The following GREB1L variants were observed in gnomAD, a reference collection of about 807,000 sequenced individuals.
The protein encoded by GREB1L is GREB1 like retinoic acid receptor coactivator.
Under a neutral mutation model 200.8 loss-of-function variants are expected in GREB1L, and 17 were observed. That is an observed-to-expected ratio of 0.08 (90% CI 0.06 to 0.13). The LOEUF is 0.13. Among genes scored for constraint, GREB1L ranks in the 10% least tolerant of loss-of-function variants. The probability of loss-of-function intolerance (pLI) is 1.00; values close to 1 mark genes in which losing one functional copy is unlikely to be tolerated. For missense variants in GREB1L, 1,657 were observed against 2,367.7 expected, an observed-to-expected ratio of 0.70 and a Z score of 6.23; for synonymous variants, 789 against 893.0, an observed-to-expected ratio of 0.88 and a Z score of 2.08.
chr18:21,387,784 A>T (rs1336062421), intron 4 of GREB1L, among the ~76,000 whole-genome samples: 2 of 152,170 alleles, frequency 1.3e-5, no homozygotes, highest in Admixed American at 6.5e-5. Flanking sequence ...ATCACACTGG[A>T]TATTGGGATC....
At chr18:21,518,363 AC>A (rs1392383542) in intron 31 of GREB1L, 129 bp downstream of exon 31, 28 of 845,584 alleles carry the variant, frequency 3.3e-5, no homozygotes, top group Non-Finnish European at 4.4e-5. Flanking sequence ...CTTTGCCAGA[AC>A]TTTTATTAAA....
intron 1 of GREB1L, among the ~76,000 whole-genome samples, chr18:21,261,403 GTCAGCTACCA>G (rs1240861574): frequency 6.6e-6 from 1 of 152,070 alleles, no homozygotes; most frequent in Non-Finnish European, 1.5e-5. Flanking sequence ...TTGGGATTGT[GTCAGCTACCA>G]TGAATGTTCT....
chr18:21,342,689 A>G (rs1241646099), intron 1 of GREB1L, among the ~76,000 whole-genome samples: 1 of 152,138 alleles, frequency 6.6e-6, no homozygotes, highest in Non-Finnish European at 1.5e-5. Flanking sequence ...TGAGATTTAC[A>G]ATGGGACTCA....
At chr18:21,273,622 C>T (rs999966109) in intron 1 of GREB1L, among the ~76,000 whole-genome samples, 15 of 152,082 alleles carry the variant, frequency 9.9e-5, no homozygotes, top group African/African-American at 3.4e-4. Context: ...GTTAGACTAA[C>T]TGGGAGTTCA....
chr18:21,485,584 G>T (rs184311722), intron 17 of GREB1L, 36 bp from the exon 18 acceptor site: 1 of 1,544,088 alleles, frequency 6.5e-7, no homozygotes, highest in Non-Finnish European at 8.8e-7. Flanking sequence ...ACTGTATCCT[G>T]TCCTCATTGG....
intron 7 of GREB1L, chr18:21,434,920 A>G (rs1598832721): frequency 6.6e-6 from 1 of 152,558 alleles, no homozygotes; most frequent in African/African-American, 2.4e-5. Flanking sequence ...ATAGTTGCTA[A>G]TTTAAACAAA....
chr18:21,299,130 TAGCC>T (rs1472297826), intron 1 of GREB1L, among the ~76,000 whole-genome samples: 3 of 151,274 alleles, frequency 2.0e-5, no homozygotes, highest in African/African-American at 7.3e-5. Flanking sequence ...ATACAAAAAT[TAGCC>T]AGGCATGGTG....
chr18:21,420,923 A>T lies in GREB1L; in HGVS notation c.832+16929A>T, dbSNP rs576559851. ...GGTGAATGGATAAATAAATTGATAT[A>T]TCCAAACAGTAATGAATTCTTGATA... is the stretch of plus-strand genomic sequence containing the variant. On this transcript the variant is annotated intron_variant, in intron 7 of 32. Coordinates refer to ENST00000424526, the MANE Select transcript of GREB1L (RefSeq NM_001142966.3). Among the ~76,000 whole-genome samples the T allele has an allele frequency of 2.6e-5, 4 of 152,362 alleles. No individual in the cohort carries two copies. The South Asian group carries it at 8.3e-4, about 32-fold the overall frequency.
chr18:21,431,252 T>C (rs908844433), intron 7 of GREB1L, among the ~76,000 whole-genome samples: 11 of 151,814 alleles, frequency 7.2e-5, no homozygotes, highest in African/African-American at 2.7e-4. Context: ...CCCAAACTCC[T>C]GACCTCAAGT....
chr18:21,244,003 A>T (rs1017515074), intron 1 of GREB1L, among the ~76,000 whole-genome samples: 3 of 152,190 alleles, frequency 2.0e-5, no homozygotes, highest in African/African-American at 7.2e-5. Flanking sequence ...ATTATAGATG[A>T]TGAAAGGGAT....
In GREB1L at chr18:21,495,615, A is replaced by C. The variant is rs1446671768; in HGVS notation, c.3031-55A>C. 18 of 947,198 alleles carry C rather than the reference A, an allele frequency of 1.9e-5. No individual in the cohort carries two copies. In the Admixed American group the frequency reaches 3.4e-4, roughly 18 times the overall value. 58.7% of individuals were successfully genotyped at this position (947,198 alleles called of 1,614,324 possible). On this transcript the variant is annotated intron_variant, in intron 19 of 32. Transcript: ENST00000424526. ...AATCTGGACTCAGAAGCCTGTAAAAAAGGTGGAAACTTAAATGAGAGTTTT... is the reference window on the plus strand; with the variant it reads ...AATCTGGACTCAGAAGCCTGTAAAACAGGTGGAAACTTAAATGAGAGTTTT...
At chr18:21,465,135 C>G (rs2035216512) in intron 15 of GREB1L, among the ~76,000 whole-genome samples, 2 of 152,126 alleles carry the variant, frequency 1.3e-5, no homozygotes, top group East Asian at 3.8e-4. Flanking sequence ...ACTCTCTTAG[C>G]AATTTTCAAG....
At chr18:21,457,659 T>C (rs1318928499) in intron 15 of GREB1L, among the ~76,000 whole-genome samples, 1 of 152,224 alleles carries the variant, frequency 6.6e-6, no homozygotes, top group Non-Finnish European at 1.5e-5. Flanking sequence ...AATGAATGTA[T>C]AGTCACATCA....
At chr18:21,387,808 T>C (rs1295551041) in intron 4 of GREB1L, among the ~76,000 whole-genome samples, 4 of 152,350 alleles carry the variant, frequency 2.6e-5, no homozygotes, top group East Asian at 3.9e-4. Flanking sequence ...TGTCTTGAGA[T>C]AGAATGTTTC....
chr18:21,251,912 T>C (rs2037711431), intron 1 of GREB1L, among the ~76,000 whole-genome samples: 1 of 143,672 alleles, frequency 7.0e-6, no homozygotes, highest in Non-Finnish European at 1.5e-5. Flanking sequence ...GCCAGTGCAC[T>C]CTAGCCTGGG....
intron 7 of GREB1L, among the ~76,000 whole-genome samples, chr18:21,427,426 G>A (rs1351767846): frequency 2.0e-5 from 3 of 151,888 alleles, no homozygotes; most frequent in Non-Finnish European, 4.4e-5. Flanking sequence ...GATCACATGA[G>A]CCCAGGAACT....
Position 21,477,204 on chromosome 18 carries a change from G to A in GREB1L, c.2404G>A (p.Gly802Arg). 2 of 1,551,958 alleles carry A rather than the reference G, an allele frequency of 1.3e-6. No homozygotes were observed. Among genetic ancestry groups the A allele is most frequent in the Non-Finnish European group, 1.7e-6 (2 of 1,147,002 alleles). Reference protein sequence around the residue: ...GSLSHSEPSHGLADRVINCRE... With the variant: ...GSLSHSEPSHRLADRVINCRE... ...TTTGTCACATAGCGAACCCAGTCAT[G>A]GGCTAGCTGATAGAGTCATTAATTG... Residue 802 changes from glycine to arginine, a missense_variant, in exon 17 of 33, where the codon GGG becomes AGG. By Grantham distance (125) the Gly-to-Arg change is moderately radical. This residue lies in a region of GREB1L where 239 missense variants were observed against 421.8 expected (regional missense o/e 0.57). Coordinates refer to ENST00000424526, the MANE Select transcript of GREB1L (RefSeq NM_001142966.3).
At chr18:21,255,048 G>A (rs1423283551) in intron 1 of GREB1L, among the ~76,000 whole-genome samples, 1 of 152,152 alleles carries the variant, frequency 6.6e-6, no homozygotes, top group East Asian at 1.9e-4. Context: ...AAACTGTGGG[G>A]TTAATATTGA....
chr18:21,492,121 C>T (rs1235596966), intron 19 of GREB1L, among the ~76,000 whole-genome samples: 1 of 151,778 alleles, frequency 6.6e-6, no homozygotes, highest in South Asian at 2.1e-4. Flanking sequence ...CCGAGGCGGG[C>T]GGATCACAAG....
Sources: allele counts gnomAD v4.1 joint callset (sites outside exome capture counted in the v4.1 genomes callset), GRCh38; gene constraint gnomAD v4.1.1; regional missense constraint gnomAD v4.1.1; transcripts MANE v1.5; gene names NCBI Gene and HGNC (gene_info 2026-07-23, HGNC 2026-07-21).